Variants in CARMIL1 observed in about 807,000 individuals in gnomAD.
CARMIL1 encodes capping protein regulator and myosin 1 linker 1.
Under a neutral mutation model 177.1 loss-of-function variants are expected in CARMIL1, and 90 were observed. The ratio of observed to expected loss-of-function variants is 0.51; its 90% CI spans 0.43 to 0.61. The LOEUF (loss-of-function observed/expected upper bound fraction) is 0.61. Among genes scored for constraint, CARMIL1 ranks in the 20% least tolerant of loss-of-function variants. The pLI is 0.00. For missense variants in CARMIL1, 1,380 were observed against 1,667.0 expected (o/e 0.83, Z 3.00); for synonymous variants, 577 against 606.2 (o/e 0.95, Z 0.71).
At chr6:25,424,973 A>T (rs778608290) in intron 3 of CARMIL1, among the ~76,000 whole-genome samples, 6 of 152,232 alleles carry the variant, frequency 3.9e-5, no homozygotes, top group Non-Finnish European at 7.3e-5. Context: ...ATGAATATTT[A>T]TTCATAAACT....
At chr6:25,440,427 G>T (rs941558463) in intron 5 of CARMIL1, among the ~76,000 whole-genome samples, 2 of 152,220 alleles carry the variant, frequency 1.3e-5, no homozygotes, top group African/African-American at 4.8e-5. Context: ...TTACCTAAAT[G>T]TATTTGACTT....
chr6:25,344,666 A>G (rs1195533743), intron 2 of CARMIL1, among the ~76,000 whole-genome samples: 1 of 152,044 alleles, frequency 6.6e-6, no homozygotes, highest in Non-Finnish European at 1.5e-5. Context: ...TCAAACATCC[A>G]TGGTCTCCTT....
At chr6:25,381,346 A>G (rs1441429849) in intron 2 of CARMIL1, among the ~76,000 whole-genome samples, 1 of 149,360 alleles carries the variant, frequency 6.7e-6, no homozygotes. Flanking sequence ...TCTACTCACA[A>G]CACTTCTGAC....
chr6:25,497,347 G>C (rs1803837749), intron 16 of CARMIL1, among the ~76,000 whole-genome samples: 1 of 152,106 alleles, frequency 6.6e-6, no homozygotes, highest in African/African-American at 2.4e-5. Flanking sequence ...TTACAGCTGA[G>C]GATATTGAGG....
intron 25 of CARMIL1, among the ~76,000 whole-genome samples, chr6:25,538,260 G>A (rs1341236016): frequency 1.3e-5 from 2 of 152,132 alleles, no homozygotes; most frequent in East Asian, 3.8e-4. Flanking sequence ...ATGAGTAACA[G>A]CTCATTTAAA....
chr6:25,565,643 G>A (rs769850846), intron 29 of CARMIL1, among the ~76,000 whole-genome samples: 17 of 152,094 alleles, frequency 1.1e-4, no homozygotes, highest in Non-Finnish European at 2.1e-4. Context: ...TGAGGAGATC[G>A]AGACCATCCT....
intron 2 of CARMIL1, among the ~76,000 whole-genome samples, chr6:25,331,071 C>G (rs1785581665): frequency 6.6e-6 from 1 of 152,056 alleles, no homozygotes; most frequent in African/African-American, 2.4e-5. Context: ...CAGCAAACTT[C>G]CTGGGAGGAG....
At chr6:25,458,281 G>C (rs990897888) in intron 8 of CARMIL1, among the ~76,000 whole-genome samples, 1 of 152,114 alleles carries the variant, frequency 6.6e-6, no homozygotes, top group East Asian at 1.9e-4. Flanking sequence ...GAAAAAAAGA[G>C]GGCTGTACAA....
chr6:25,417,998 C>T (rs543400133), intron 2 of CARMIL1, among the ~76,000 whole-genome samples: 135 of 150,300 alleles, frequency 9.0e-4, no homozygotes, highest in African/African-American at 3.1e-3. Context: ...GCACAGGACA[C>T]ATCCACCAGG....
Position 25,600,401 on chromosome 6 carries a change from C to T in CARMIL1, c.3207C>T (p.Gly1069=). ...AGCGAGATTCTCGGAAAAGTAGTGG[C>T]TTTCTCAATTTAATCAAATCCCGGT... ...KKKRDSRKSS[G]FLNLIKSRSK... Residue 1069 remains glycine, a synonymous_variant, in exon 33 of 37, where the codon GGC becomes GGT. Coordinates refer to ENST00000329474, the MANE Select transcript of CARMIL1 (RefSeq NM_017640.6). 6.2e-7 allele frequency: 1 copy of T among 1,613,920 alleles called. No individual in the cohort carries two copies. Among genetic ancestry groups the T allele is most frequent in the Non-Finnish European group, 8.5e-7 (1 of 1,179,864 alleles).
intron 2 of CARMIL1, among the ~76,000 whole-genome samples, chr6:25,413,524 G>A (rs1359266609): frequency 9.9e-5 from 15 of 152,168 alleles, no homozygotes; most frequent in Non-Finnish European, 2.1e-4. Context: ...GAAAACATAG[G>A]CTTCTCTGCT....
intron 2 of CARMIL1, among the ~76,000 whole-genome samples, chr6:25,416,060 G>A (rs1014786139): frequency 5.3e-5 from 8 of 152,150 alleles, no homozygotes; most frequent in African/African-American, 1.9e-4. Context: ...GACAGATACA[G>A]AACAGAGATA....
At chr6:25,472,680 T>A (rs1801195032) in intron 11 of CARMIL1, 159 bp downstream of exon 11, 9 of 585,264 alleles carry the variant, frequency 1.5e-5, no homozygotes, top group Non-Finnish European at 2.4e-5. Context: ...TTCATATAAA[T>A]GCTTATGTTA....
At chr6:25,498,828 AG>A (rs1368284224) in intron 16 of CARMIL1, among the ~76,000 whole-genome samples, 4 of 152,236 alleles carry the variant, frequency 2.6e-5, no homozygotes, top group Non-Finnish European at 1.5e-5. Context: ...CATGAAAGAA[AG>A]GGGGCATAGT....
At chr6:25,454,655 T>C (rs1306236619) in intron 8 of CARMIL1, among the ~76,000 whole-genome samples, 1 of 152,214 alleles carries the variant, frequency 6.6e-6, no homozygotes, top group Non-Finnish European at 1.5e-5. Context: ...TTTTTACTGT[T>C]TTTTTTACTA....
chr6:25,333,471 C>A (rs71555193), intron 2 of CARMIL1, among the ~76,000 whole-genome samples: 1 of 152,018 alleles, frequency 6.6e-6, no homozygotes, highest in Non-Finnish European at 1.5e-5. Context: ...GAGGCTGAGG[C>A]AGGGGCATCG....
intron 2 of CARMIL1, among the ~76,000 whole-genome samples, chr6:25,362,816 C>T (rs1789360858): frequency 6.6e-6 from 1 of 152,156 alleles, no homozygotes; most frequent in Non-Finnish European, 1.5e-5. Context: ...AGGCACATCA[C>T]CTGAGGTCAG....
chr6:25,364,667 G>A (rs188105505), intron 2 of CARMIL1, among the ~76,000 whole-genome samples: 15 of 152,020 alleles, frequency 9.9e-5, no homozygotes, highest in African/African-American at 3.6e-4. Flanking sequence ...GGGTTCAAAT[G>A]ATTCTCCTGC....
chr6:25,321,725 C>G (rs1476805066), intron 2 of CARMIL1, among the ~76,000 whole-genome samples: 2 of 151,600 alleles, frequency 1.3e-5, no homozygotes, highest in East Asian at 3.9e-4. Flanking sequence ...GTGGTGCGAT[C>G]TCAGCTCACT....
Sources: allele counts gnomAD v4.1 joint callset (sites outside exome capture counted in the v4.1 genomes callset), GRCh38; gene constraint gnomAD v4.1.1; transcripts MANE v1.5; gene names NCBI Gene and HGNC (gene_info 2026-07-23, HGNC 2026-07-21).